CDKAL1: variants seen among roughly 807,000 people sequenced by gnomAD.
CDKAL1 encodes the protein threonylcarbamoyladenosine tRNA methylthiotransferase.
CDKAL1 carries 32 observed loss-of-function variants against 68.2 expected under a neutral mutation model. The observed-to-expected ratio is 0.47, with a 90% CI of 0.35 to 0.63. The LOEUF (loss-of-function observed/expected upper bound fraction) is 0.63, where lower values mean the gene tolerates loss of function less well. CDKAL1 is among the 30% of genes least tolerant of loss of function. The probability of loss-of-function intolerance (pLI) is 0.00; values close to 1 mark genes in which losing one functional copy is unlikely to be tolerated. For missense variants in CDKAL1, 606 were observed against 696.7 expected (o/e 0.87, Z 1.47); for synonymous variants, 234 against 244.3 (o/e 0.96, Z 0.39).
rs901441605 is a variant in CDKAL1, at chr6:20,686,440, G to T, written c.371+37063G>T. ...ACGAACCCTATTGGGAACTGTGCATGTGAGGTATCCAGGTTGCCTGATGAT... is the reference window on the plus strand; with the variant it reads ...ACGAACCCTATTGGGAACTGTGCATTTGAGGTATCCAGGTTGCCTGATGAT... On this transcript the variant is annotated intron_variant, in intron 5 of 15. Coordinates refer to ENST00000274695, the MANE Select transcript of CDKAL1 (RefSeq NM_017774.3). Among the ~76,000 whole-genome samples the T allele has an allele frequency of 5.3e-5, 8 of 152,318 alleles. No homozygotes were observed. In the East Asian group the frequency reaches 1.5e-3, roughly 29 times the overall value.
At chr6:21,049,662 T>C (rs1269675939) in intron 11 of CDKAL1, among the ~76,000 whole-genome samples, 2 of 152,204 alleles carry the variant, frequency 1.3e-5, no homozygotes, top group African/African-American at 2.4e-5. Context: ...AAAAAACTTA[T>C]TTAACATGGT....
At chr6:20,965,747 G>A (rs1204180633) in intron 10 of CDKAL1, among the ~76,000 whole-genome samples, 2 of 152,174 alleles carry the variant, frequency 1.3e-5, no homozygotes, top group Admixed American at 1.3e-4. Flanking sequence ...GAGTAGCTGA[G>A]AAGGCTTTCA....
At chr6:20,807,688 C>G (rs1159238786) in intron 8 of CDKAL1, among the ~76,000 whole-genome samples, 1 of 152,146 alleles carries the variant, frequency 6.6e-6, no homozygotes, top group African/African-American at 2.4e-5. Context: ...AAACATATTA[C>G]TGTAAAGTCA....
chr6:20,669,907 G>C (rs775692602), intron 5 of CDKAL1, among the ~76,000 whole-genome samples: 30 of 151,914 alleles, frequency 2.0e-4, no homozygotes, highest in Non-Finnish European at 3.5e-4. Context: ...AATCTACTAA[G>C]ACTTAGGAAA....
At chr6:20,833,244 G>A (rs919395379) in intron 8 of CDKAL1, among the ~76,000 whole-genome samples, 5 of 152,210 alleles carry the variant, frequency 3.3e-5, no homozygotes, top group Non-Finnish European at 4.4e-5. Context: ...CTGCGTGAGA[G>A]AAGAGTTGAT....
intron 8 of CDKAL1, among the ~76,000 whole-genome samples, chr6:20,822,653 A>G (rs1777335250): frequency 6.6e-6 from 1 of 152,152 alleles, no homozygotes; most frequent in Non-Finnish European, 1.5e-5. Flanking sequence ...TAAATGAATT[A>G]TGAGGATGGT....
intron 9 of CDKAL1, among the ~76,000 whole-genome samples, chr6:20,924,244 T>C (rs1392082553): frequency 6.7e-6 from 1 of 149,536 alleles, no homozygotes; most frequent in Non-Finnish European, 1.5e-5. Context: ...TGTGTACCCA[T>C]AGACCTAGCT....
chr6:20,963,571 A>G (rs988871651), intron 10 of CDKAL1, among the ~76,000 whole-genome samples: 1 of 152,208 alleles, frequency 6.6e-6, no homozygotes. Context: ...CCCAAAATAA[A>G]TGAACTTATA....
At chr6:20,881,183 A>G (rs1468195621) in intron 9 of CDKAL1, among the ~76,000 whole-genome samples, 1 of 152,194 alleles carries the variant, frequency 6.6e-6, no homozygotes, top group East Asian at 1.9e-4. Context: ...ATTAAAAACA[A>G]AGATTGCTGG....
chr6:20,573,881 G>C (rs1764808319), intron 4 of CDKAL1, among the ~76,000 whole-genome samples: 1 of 152,148 alleles, frequency 6.6e-6, no homozygotes, highest in Non-Finnish European at 1.5e-5. Context: ...TTTGAGCAGA[G>C]TATGCCACTT....
chr6:20,798,917 C>CAAAAA (rs200034795), intron 8 of CDKAL1, among the ~76,000 whole-genome samples: 105 of 102,496 alleles, frequency 1.0e-3, no homozygotes, highest in East Asian at 1.5e-3. Context: ...TATAATAATA[C>CAAAAA]AAAAAAAAAA....
intron 12 of CDKAL1, among the ~76,000 whole-genome samples, chr6:21,093,142 G>A (rs1169807296): frequency 2.6e-5 from 4 of 152,190 alleles, no homozygotes; most frequent in African/African-American, 9.6e-5. Context: ...GCAGCATTAT[G>A]GATGAAATGT....
At chr6:20,876,317 C>T (rs1475376708) in intron 9 of CDKAL1, among the ~76,000 whole-genome samples, 13 of 152,188 alleles carry the variant, frequency 8.5e-5, no homozygotes, top group Non-Finnish European at 1.5e-4. Flanking sequence ...GGTGTACTTT[C>T]TCTAAAGATG....
intron 13 of CDKAL1, among the ~76,000 whole-genome samples, chr6:21,196,807 G>C (rs1159807719): frequency 6.6e-6 from 1 of 151,994 alleles, no homozygotes; most frequent in African/African-American, 2.4e-5. Flanking sequence ...ATAATCCCCG[G>C]CACAGTCATT....
chr6:20,967,520 C>T (rs1765378088), intron 10 of CDKAL1, among the ~76,000 whole-genome samples: 1 of 152,006 alleles, frequency 6.6e-6, no homozygotes, highest in Non-Finnish European at 1.5e-5. Flanking sequence ...CCCTTCCCAC[C>T]CCACTTCTTT....
intron 13 of CDKAL1, among the ~76,000 whole-genome samples, chr6:21,115,087 C>T (rs1313103492): frequency 6.6e-6 from 1 of 152,176 alleles, no homozygotes; most frequent in Non-Finnish European, 1.5e-5. Context: ...GACTAGGCAT[C>T]TCTGTGACAT....
chr6:20,803,614 A>G (rs998372107), intron 8 of CDKAL1, among the ~76,000 whole-genome samples: 1 of 152,162 alleles, frequency 6.6e-6, no homozygotes, highest in Non-Finnish European at 1.5e-5. Flanking sequence ...GGTTAAATGC[A>G]GATTGACGTA....
At chr6:21,145,514 A>G (rs1300256163) in intron 13 of CDKAL1, among the ~76,000 whole-genome samples, 1 of 152,214 alleles carries the variant, frequency 6.6e-6, no homozygotes, top group Non-Finnish European at 1.5e-5. Context: ...GTGAAGGATC[A>G]GCTTATTCCT....
At chr6:20,811,741 T>A (rs2150423233) in intron 8 of CDKAL1, among the ~76,000 whole-genome samples, 1 of 151,692 alleles carries the variant, frequency 6.6e-6, no homozygotes, top group African/African-American at 2.4e-5. Flanking sequence ...TGTTGTTAAC[T>A]TGATCCAGCC....
Sources: allele counts gnomAD v4.1 joint callset (sites outside exome capture counted in the v4.1 genomes callset), GRCh38; gene constraint gnomAD v4.1.1; transcripts MANE v1.5; gene names NCBI Gene and HGNC (gene_info 2026-07-23, HGNC 2026-07-21).